NLGN1: variants seen among roughly 807,000 people sequenced by gnomAD.
NLGN1 encodes the protein neuroligin 1.
A neutral mutation model predicts 65.5 loss-of-function variants in NLGN1; 12 were observed. The observed-to-expected ratio is 0.18, with a 90% confidence interval of 0.12 to 0.30. The LOEUF (loss-of-function observed/expected upper bound fraction) is 0.30. Ranked by LOEUF, NLGN1 falls within the 10% of genes least tolerant of loss-of-function variation. The pLI is 1.00. For synonymous variants in NLGN1, 350 were observed against 359.5 expected (o/e 0.97, Z 0.30); for missense variants, 750 against 1,007.1 (o/e 0.74, Z 3.46).
chr3:173,604,599 A>G (rs906641541), exon 3 of NLGN1: 4 of 1,612,890 alleles, frequency 2.5e-6, no homozygotes, highest in African/African-American at 1.3e-5. Flanking sequence ...ATGTGGGACC[A>G]TGGCACTGCC....
chr3:174,172,313 A>G (rs1728696550), intron 4 of NLGN1, among the ~76,000 whole-genome samples: 1 of 152,052 alleles, frequency 6.6e-6, no homozygotes, highest in Non-Finnish European at 1.5e-5. Context: ...TTACACTCTT[A>G]GTTATTTTTA....
chr3:173,475,801 A>G (rs903694112), intron 2 of NLGN1, among the ~76,000 whole-genome samples: 2 of 152,150 alleles, frequency 1.3e-5, no homozygotes, highest in African/African-American at 4.8e-5. Flanking sequence ...ATGTGATGTA[A>G]ATACTCTAAT....
chr3:174,184,825 A>G (rs1731098732), intron 4 of NLGN1, among the ~76,000 whole-genome samples: 1 of 152,132 alleles, frequency 6.6e-6, no homozygotes. Context: ...CAGAGTAGAA[A>G]AGTTCTACCC....
intron 4 of NLGN1, among the ~76,000 whole-genome samples, chr3:174,011,626 TTC>T (rs900111384): frequency 1.7e-4 from 26 of 150,632 alleles, no homozygotes; most frequent in Non-Finnish European, 2.2e-4. Context: ...TAAACTCTGC[TTC>T]TCTCTCTCTC....
intron 3 of NLGN1, among the ~76,000 whole-genome samples, chr3:173,734,536 A>C (rs1042983376): frequency 2.0e-5 from 3 of 151,282 alleles, no homozygotes; most frequent in African/African-American, 7.3e-5. Context: ...GGCTGGGACT[A>C]CAGGAGTGTG....
chr3:173,656,190 T>TGGATGC (rs1760001858), intron 3 of NLGN1, among the ~76,000 whole-genome samples: 7 of 152,120 alleles, frequency 4.6e-5, no homozygotes, highest in Non-Finnish European at 8.8e-5. Flanking sequence ...AGGAAGTCCT[T>TGGATGC]AGGTTTCCTG....
At chr3:173,443,342 CTATATATA>C (rs10532919) in intron 2 of NLGN1, among the ~76,000 whole-genome samples, 1 of 147,374 alleles carries the variant, frequency 6.8e-6, no homozygotes, top group Non-Finnish European at 1.5e-5. Flanking sequence ...TACACTATGA[CTATATATA>C]TAGTCATAAA....
chr3:173,849,117 C>A (rs761846329), intron 4 of NLGN1, among the ~76,000 whole-genome samples: 20 of 152,012 alleles, frequency 1.3e-4, no homozygotes, highest in Non-Finnish European at 2.9e-4. Flanking sequence ...ATTGTATAAG[C>A]TTTGCGATAA....
chr3:173,980,264 G>A (rs1392404864), intron 4 of NLGN1, among the ~76,000 whole-genome samples: 1 of 151,920 alleles, frequency 6.6e-6, no homozygotes, highest in African/African-American at 2.4e-5. Context: ...TTATCTTAAT[G>A]TATGTTCTTT....
chr3:173,484,903 A>G (rs1173805725), intron 2 of NLGN1, among the ~76,000 whole-genome samples: 1 of 151,930 alleles, frequency 6.6e-6, no homozygotes, highest in Non-Finnish European at 1.5e-5. Flanking sequence ...GTGTTTTTCT[A>G]CTGAACTAGA....
chr3:173,620,188 C>G (rs1753760908), intron 3 of NLGN1, among the ~76,000 whole-genome samples: 1 of 152,086 alleles, frequency 6.6e-6, no homozygotes, highest in Admixed American at 6.5e-5. Context: ...TAGGGAATAA[C>G]TAGAAGTTCA....
At chr3:173,893,613 C>G (rs1735770113) in intron 4 of NLGN1, among the ~76,000 whole-genome samples, 2 of 152,152 alleles carry the variant, frequency 1.3e-5, no homozygotes, top group South Asian at 4.1e-4. Flanking sequence ...TACATTCTAA[C>G]TAAATACTTT....
intron 4 of NLGN1, among the ~76,000 whole-genome samples, chr3:174,079,905 G>C (rs1741788552): frequency 6.6e-6 from 1 of 152,048 alleles, no homozygotes; most frequent in African/African-American, 2.4e-5. Flanking sequence ...GATGGAAGGA[G>C]GGAAAGGATC....
chr3:174,090,898 T>C (rs1467430659), intron 4 of NLGN1, among the ~76,000 whole-genome samples: 1 of 152,174 alleles, frequency 6.6e-6, no homozygotes, highest in Non-Finnish European at 1.5e-5. Context: ...ATCCAGGGGA[T>C]TCTTATTCCT....
chr3:173,701,203 C>T (rs1289738665), intron 3 of NLGN1, among the ~76,000 whole-genome samples: 1 of 152,090 alleles, frequency 6.6e-6, no homozygotes, highest in Non-Finnish European at 1.5e-5. Flanking sequence ...AATAATGTTC[C>T]CCTCACCATC....
In NLGN1 at chr3:174,011,523, ATTATAG is replaced by A. The variant is rs1428744403; in HGVS notation, c.646+203699_646+203704del. On this transcript the variant is annotated intron_variant, in intron 4 of 6. Transcript: ENST00000457714. The stretch of plus-strand genomic sequence containing the variant: ...TGAGGTTTAAAGCTTCTATTTAATC[ATTATAG>A]TTATAGTAGTTATGTTTCTTGGATC... 2.6e-5 allele frequency among the ~76,000 whole-genome samples: 4 copies of A among 152,264 alleles called. No homozygotes were observed. The South Asian group carries it at 6.2e-4, about 24-fold the overall frequency.
chr3:174,049,983 G>A (rs956130165), intron 4 of NLGN1, among the ~76,000 whole-genome samples: 1 of 151,882 alleles, frequency 6.6e-6, no homozygotes, highest in Non-Finnish European at 1.5e-5. Flanking sequence ...AATTTCAAGA[G>A]AAAAGGGGAA....
intron 3 of NLGN1, among the ~76,000 whole-genome samples, chr3:173,748,515 A>T (rs937787926): frequency 2.6e-5 from 4 of 152,114 alleles, no homozygotes; most frequent in Non-Finnish European, 4.4e-5. Context: ...ATAAACATAC[A>T]TTGTTTGCCA....
intron 4 of NLGN1, among the ~76,000 whole-genome samples, chr3:174,099,121 G>A (rs1425905682): frequency 6.6e-6 from 1 of 152,056 alleles, no homozygotes; most frequent in African/African-American, 2.4e-5. Flanking sequence ...AAATCAAAAA[G>A]CCAATGTGCA....
Sources: gnomAD v4.1 joint callset for allele counts (sites outside exome capture counted in the v4.1 genomes callset) on GRCh38, gnomAD v4.1.1 for gene constraint, MANE v1.5 for transcripts, NCBI Gene and HGNC (gene_info 2026-07-23, HGNC 2026-07-21) for gene names.